Variants in WNK1 observed in about 807,000 individuals in gnomAD.
WNK1 encodes the protein WNK lysine deficient protein kinase 1.
In WNK1, 38 loss-of-function variants were observed where a neutral mutation model predicts 222.8. The ratio of observed to expected loss-of-function variants is 0.17; its 90% CI spans 0.13 to 0.22. WNK1 has a LOEUF of 0.22. Among genes scored for constraint, WNK1 ranks in the 10% least tolerant of loss-of-function variants. The probability of loss-of-function intolerance (pLI) is 1.00; values close to 1 mark genes in which losing one functional copy is unlikely to be tolerated. For synonymous variants in WNK1, 1,090 were observed against 1,092.9 expected (o/e 1.00, Z 0.05); for missense variants, 2,348 against 2,918.4 (o/e 0.80, Z 4.50).
At chr12:839,375 T>A (rs1949444585) in intron 4 of WNK1, among the ~76,000 whole-genome samples, 1 of 152,052 alleles carries the variant, frequency 6.6e-6, no homozygotes, top group Non-Finnish European at 1.5e-5. Flanking sequence ...GACTGCAGAG[T>A]GGAGAATGGA....
chr12:771,244 G>A (rs145530308), intron 1 of WNK1, among the ~76,000 whole-genome samples: 1,957 of 152,068 alleles, frequency 0.013, 38 homozygotes, highest in African/African-American at 0.044. Context: ...TGATCCGCCC[G>A]CCTCTGCCTC....
chr12:859,591 C>G, intron 6 of WNK1, 127 bp downstream of exon 6: 2 of 623,092 alleles, frequency 3.2e-6, no homozygotes, highest in Non-Finnish European at 5.3e-6. Flanking sequence ...TGTGATGGCC[C>G]TAAAAGTTAT....
intron 1 of WNK1, among the ~76,000 whole-genome samples, chr12:785,666 G>C (rs1372943877): frequency 6.6e-6 from 1 of 152,102 alleles, no homozygotes; most frequent in Non-Finnish European, 1.5e-5. Flanking sequence ...CAAAGTGCTG[G>C]GATTACAAGC....
At position 754,125 on chromosome 12, in the gene WNK1, G is replaced by C; in HGVS notation, c.560G>C (p.Gly187Ala). 1.2e-6 allele frequency: 2 copies of C among 1,611,230 alleles called. No homozygotes were observed. The highest frequency in any genetic ancestry group is 1.7e-6 in the Non-Finnish European group (2 of 1,179,560). Residue 187 changes from glycine (G) to alanine (A), a missense_variant, in exon 1 of 28, where the codon GGC (glycine) becomes GCC (alanine). This residue lies in a region of WNK1 where 185 missense variants were observed against 159.2 expected (regional missense o/e 1.16). Transcript: ENST00000315939. ...EPPPARSGSGGGSAKEPQEER... is the reference protein window; with the variant it reads ...EPPPARSGSGAGSAKEPQEER... ...CCGCCGGCGAGAAGTGGCAGCGGCG[G>C]CGGCAGCGCCAAGGAGCCACAGGAG...
At chr12:768,609 C>G (rs1403342724) in intron 1 of WNK1, among the ~76,000 whole-genome samples, 1 of 152,074 alleles carries the variant, frequency 6.6e-6, no homozygotes. Context: ...GTGAAACTGC[C>G]ATATTACCCA....
intron 25 of WNK1, among the ~76,000 whole-genome samples, chr12:900,252 C>G (rs912562452): frequency 2.6e-5 from 4 of 152,130 alleles, no homozygotes; most frequent in Non-Finnish European, 5.9e-5. Context: ...TCCCAAAGTG[C>G]TGGGATATTA....
chr12:797,023 C>T (rs1480727365), intron 1 of WNK1, among the ~76,000 whole-genome samples: 2 of 152,172 alleles, frequency 1.3e-5, no homozygotes, highest in Non-Finnish European at 2.9e-5. Context: ...ACCATCTCTT[C>T]TAAAATTATA....
chr12:857,322 C>G, intron 5 of WNK1, 73 bp downstream of exon 5: 1 of 1,250,304 alleles, frequency 8.0e-7, no homozygotes, highest in Non-Finnish European at 1.2e-6. Context: ...GTACAACACA[C>G]ATTCTACGGT....
At chr12:878,484 C>A in intron 10 of WNK1, 123 bp downstream of exon 10, 1 of 1,103,732 alleles carries the variant, frequency 9.1e-7, no homozygotes, top group Non-Finnish European at 1.3e-6. Context: ...TAAGGGTAAC[C>A]AACCCTTGAA....
chr12:841,651 T>C (rs1423367716), intron 4 of WNK1, among the ~76,000 whole-genome samples: 5 of 152,166 alleles, frequency 3.3e-5, no homozygotes, highest in Admixed American at 6.5e-5. Flanking sequence ...ATAAACTAGG[T>C]GGCATATAAA....
intron 1 of WNK1, among the ~76,000 whole-genome samples, chr12:779,712 A>G (rs991047677): frequency 8.5e-5 from 13 of 152,054 alleles, no homozygotes; most frequent in African/African-American, 3.1e-4. Flanking sequence ...CCTTTCCCTT[A>G]ATTTTCTGAA....
chr12:880,356 A>G (rs113425411), intron 11 of WNK1, among the ~76,000 whole-genome samples: 59 of 152,298 alleles, frequency 3.9e-4, no homozygotes, highest in Middle Eastern at 3.4e-3. Flanking sequence ...GTATCAACAA[A>G]AAGCTTCGGG....
At chr12:777,797 A>G (rs1943273755) in intron 1 of WNK1, among the ~76,000 whole-genome samples, 1 of 152,182 alleles carries the variant, frequency 6.6e-6, no homozygotes, top group Non-Finnish European at 1.5e-5. Context: ...AAAATAACTT[A>G]CCACAGACTC....
rs552698217 is a variant in WNK1, at chr12:876,163, A to C, written c.2224-2049A>C. 1.3e-3 allele frequency among the ~76,000 whole-genome samples: 196 copies of C among 152,290 alleles called. 1 individual carries two copies. Among genetic ancestry groups the C allele is most frequent in the Non-Finnish European group, 2.4e-3 (164 of 67,994 alleles). On this transcript the variant is annotated intron_variant, in intron 9 of 27. Transcript: ENST00000315939. ...GGTGGCTCACGCCTGTAATCCTAGC[A>C]CTTTGGGAGGCCGAGGTGCACGGAT...
At chr12:904,166 TC>T (rs1464166345) in intron 26 of WNK1, among the ~76,000 whole-genome samples, 1 of 152,180 alleles carries the variant, frequency 6.6e-6, no homozygotes, top group Non-Finnish European at 1.5e-5. Flanking sequence ...CCTCGCCAAT[TC>T]CAGAACCTCA....
At chr12:887,115 T>A (rs769134378) in intron 19 of WNK1, 106 bp from the exon 20 acceptor site, 91 of 1,006,308 alleles carry the variant, frequency 9.0e-5, no homozygotes, top group Non-Finnish European at 1.4e-4. Context: ...TAACTATATA[T>A]ATTTTATTCT....
intron 2 of WNK1, among the ~76,000 whole-genome samples, chr12:823,347 A>T (rs1186422006): frequency 6.6e-6 from 1 of 152,108 alleles, no homozygotes; most frequent in African/African-American, 2.4e-5. Flanking sequence ...ATTTGTGGCC[A>T]TTATTTTCTT....
rs1246382496 is a variant in WNK1 at position 884,994 on chromosome 12, G to A, written c.4190G>A (p.Gly1397Asp). Residue 1397 changes from glycine (G) to aspartate (D), a missense_variant, in exon 19 of 28, where the codon GGT becomes GAT. By Grantham distance (94) the Gly-to-Asp change is moderately conservative. Around this residue, in one of 13 missense-constraint regions of WNK1, gnomAD observed 1,144 missense variants for 1,273.6 expected, o/e 0.90. Transcript: ENST00000315939. The surrounding 1 kb of genome is among the most constrained non-coding windows in gnomAD (Gnocchi z 5.6). ...ATSTGVVTSG[G>D]LPIPPVSESP... ...AGCACAGGTGTGGTAACTTCAGGTGGTCTCCCCATACCACCTGTGTCTGAA... is the reference window on the plus strand; with the variant it reads ...AGCACAGGTGTGGTAACTTCAGGTGATCTCCCCATACCACCTGTGTCTGAA... 1.9e-6 allele frequency: 3 copies of A among 1,614,042 alleles called. No individual in the cohort carries two copies. The highest frequency in any genetic ancestry group is 1.7e-6 in the Non-Finnish European group (2 of 1,180,038).
chr12:796,612 T>C (rs1213870328), intron 1 of WNK1, among the ~76,000 whole-genome samples: 2 of 152,202 alleles, frequency 1.3e-5, no homozygotes, highest in African/African-American at 4.8e-5. Flanking sequence ...CAATTTGGGA[T>C]AACTTAAATT....
Sources: allele counts gnomAD v4.1 joint callset (sites outside exome capture counted in the v4.1 genomes callset), GRCh38; gene constraint gnomAD v4.1.1; regional missense constraint gnomAD v4.1.1; non-coding constraint Gnocchi (gnomAD v3.1); transcripts MANE v1.5; gene names NCBI Gene and HGNC (gene_info 2026-07-23, HGNC 2026-07-21).